Variants in RPH3AL observed in about 807,000 individuals in gnomAD.
The protein encoded by RPH3AL is rab effector Noc2.
A neutral mutation model predicts 43.1 loss-of-function variants in RPH3AL; 38 were observed. The ratio of observed to expected loss-of-function variants is 0.88; its 90% CI spans 0.68 to 1.15. RPH3AL has a LOEUF of 1.15. Among genes scored for constraint, RPH3AL ranks in the 50% most tolerant of loss-of-function variants. RPH3AL has a pLI of 0.00. For missense variants in RPH3AL, 462 were observed against 423.2 expected (o/e 1.09, Z -0.81); for synonymous variants, 189 against 176.3 (o/e 1.07, Z -0.57).
Position 304,913 on chromosome 17 carries a change from G to C in RPH3AL, c.351+14507C>G, listed in dbSNP as rs1598054468. On this transcript the variant is annotated intron_variant, in intron 5 of 9. Transcript: ENST00000331302. ...CGCCACGAGCTCCTAGGGCCAGAGT[G>C]CAAGAGAGGCACAGGGCGAGAGGGG... is the stretch of plus-strand genomic sequence containing the variant. Among the ~76,000 whole-genome samples, 3 of 134,660 alleles carry C rather than the reference G, an allele frequency of 2.2e-5. 1 individual carries two copies. Among genetic ancestry groups the C allele is most frequent in the Middle Eastern group, 7.0e-3 (2 of 284 alleles). The allele number at this position is 134,660 out of a possible 152,430, so 88.3% of individuals were successfully genotyped here. A position where few individuals can be genotyped will look rare whatever the true frequency, so the allele number is the denominator to read the frequency against.
intron 7 of RPH3AL, among the ~76,000 whole-genome samples, chr17:224,067 G>C (rs2041053869): frequency 6.6e-6 from 1 of 152,210 alleles, no homozygotes; most frequent in Admixed American, 6.5e-5. Context: ...TCACTCAAAT[G>C]GTTCTTAAAT....
At chr17:242,269 C>T (rs1180975771) in intron 7 of RPH3AL, among the ~76,000 whole-genome samples, 2 of 129,958 alleles carry the variant, frequency 1.5e-5, no homozygotes. Context: ...CTATTGATTA[C>T]CTTCCTCTAT....
In RPH3AL at chr17:328,382, C is replaced by T. The variant is rs533376917; in HGVS notation, c.-36-803G>A. 1.2e-4 allele frequency among the ~76,000 whole-genome samples: 18 copies of T among 152,034 alleles called. No homozygotes were observed. The highest frequency in any genetic ancestry group is 2.2e-4 in the Non-Finnish European group (15 of 67,968). ...TGAATCCCAGAGCAAGGAGGAGGGG[C>T]TCTCCTGAGCCATCCACACTCTCCT... On this transcript the variant is annotated intron_variant, in intron 2 of 9. Transcript: ENST00000331302. This position sits in a 1 kb window ranked among gnomAD's most constrained non-coding sequence, Gnocchi z 4.2.
At chr17:241,176 C>T (rs1417797860) in intron 7 of RPH3AL, among the ~76,000 whole-genome samples, 3 of 151,716 alleles carry the variant, frequency 2.0e-5, no homozygotes, top group East Asian at 1.9e-4. Context: ...ACAGCTTGAG[C>T]TCAGGACTTT....
At chr17:238,432 C>T (rs2041453427) in intron 7 of RPH3AL, among the ~76,000 whole-genome samples, 1 of 152,088 alleles carries the variant, frequency 6.6e-6, no homozygotes, top group South Asian at 2.1e-4. Context: ...GAGAAGAAGC[C>T]GCATCCTGTT....
chr17:302,873 G>A (rs1375488643), intron 5 of RPH3AL, among the ~76,000 whole-genome samples: 1 of 152,256 alleles, frequency 6.6e-6, no homozygotes, highest in Non-Finnish European at 1.5e-5. Flanking sequence ...ACATTTGTGT[G>A]AGTGCGAAGA....
rs576077707 is a variant in RPH3AL, at chr17:219,708, C to T, written c.642G>A (p.Ser214=). 3.5e-5 allele frequency: 56 copies of T among 1,613,480 alleles called. No homozygotes were observed. The highest frequency in any genetic ancestry group is 2.5e-4 in the East Asian group (11 of 44,850). The change falls in exon 8 of 10, where the codon TCG becomes TCA. Residue 214 remains serine (S), a synonymous_variant. Coordinates refer to ENST00000331302, the MANE Select transcript of RPH3AL (RefSeq NM_006987.4). ...CCTCTAGGCTGGAGGAGCTAAGATC[C>T]GAGTCACTGTCACTGTCACTGGAAA... is the stretch of plus-strand genomic sequence containing the variant. The part of the protein sequence containing the change: ...RVVSSDSDSD[S]DLSSSSLEDR...
At chr17:279,700 A>G (rs1216069968) in intron 6 of RPH3AL, among the ~76,000 whole-genome samples, 1 of 152,160 alleles carries the variant, frequency 6.6e-6, no homozygotes, top group Non-Finnish European at 1.5e-5. Context: ...AGCTGTGACC[A>G]TCTTTTCATC....
chr17:283,071 G>C lies in RPH3AL; in HGVS notation c.352-1217C>G, dbSNP rs1054169933. On this transcript the variant is annotated intron_variant, in intron 5 of 9. Coordinates refer to ENST00000331302, the MANE Select transcript of RPH3AL (RefSeq NM_006987.4). This position sits in a 1 kb window ranked among gnomAD's most constrained non-coding sequence, Gnocchi z 4.2. ...TAACCCAGGCAGAGTCTGATTCAGCGATCGCTGGCGACTCCTCAGGACTGT... is the reference window on the plus strand; with the variant it reads ...TAACCCAGGCAGAGTCTGATTCAGCCATCGCTGGCGACTCCTCAGGACTGT... Among the ~76,000 whole-genome samples, 1 of 152,204 alleles carries C rather than the reference G, an allele frequency of 6.6e-6. No homozygotes were observed. The highest frequency in any genetic ancestry group is 2.4e-5 in the African/African-American group (1 of 41,444).
In RPH3AL at chr17:290,778, A is replaced by G. The variant is rs929793192; in HGVS notation, c.352-8924T>C. Among the ~76,000 whole-genome samples, 3 of 152,144 alleles carry G rather than the reference A, an allele frequency of 2.0e-5. No homozygotes were observed. Among genetic ancestry groups the G allele is most frequent in the African/African-American group, 7.2e-5 (3 of 41,432 alleles). ...TGCCAATGTAGGGGGAGGGAAGGAA[A>G]CTGCTCTGAAAGCAGACGCCGCCAT... On this transcript the variant is annotated intron_variant, in intron 5 of 9. Coordinates refer to ENST00000331302, the MANE Select transcript of RPH3AL (RefSeq NM_006987.4). The surrounding 1 kb of genome is among the most constrained non-coding windows in gnomAD (Gnocchi z 4.2).
intron 6 of RPH3AL, among the ~76,000 whole-genome samples, chr17:259,989 G>A: frequency 6.6e-6 from 1 of 152,186 alleles, no homozygotes; most frequent in Non-Finnish European, 1.5e-5. Flanking sequence ...CACTGGAGGG[G>A]GTGGGACAGG....
At chr17:301,434 G>A (rs2043324966) in intron 5 of RPH3AL, among the ~76,000 whole-genome samples, 1 of 152,098 alleles carries the variant, frequency 6.6e-6, no homozygotes, top group African/African-American at 2.4e-5. Flanking sequence ...CTCCCCAGTA[G>A]TTGAGATTAT....
intron 2 of RPH3AL, chr17:332,291 C>A (rs201079490): frequency 6.1e-6 from 1 of 164,894 alleles, no homozygotes; most frequent in South Asian, 7.5e-5. Flanking sequence ...TGTGTGTGTG[C>A]GCGTGTGTGT....
At chr17:227,107 G>C (rs1051762866) in intron 7 of RPH3AL, among the ~76,000 whole-genome samples, 3 of 152,126 alleles carry the variant, frequency 2.0e-5, no homozygotes, top group Admixed American at 2.0e-4. Flanking sequence ...CTCCACAGGG[G>C]CCTGAGCCAC....
Position 333,385 on chromosome 17 carries a change from C to T in RPH3AL, c.-37+374G>A. 2 of 965,752 alleles carry T rather than the reference C, an allele frequency of 2.1e-6. No homozygotes were observed. The highest frequency in any genetic ancestry group is 2.8e-6 in the Non-Finnish European group (2 of 712,128). The allele number at this position is 965,752 out of a possible 1,614,324, so 59.8% of individuals were successfully genotyped here. On this transcript the variant is annotated intron_variant, in intron 2 of 9. Transcript: ENST00000331302. The surrounding 1 kb of genome is among the most constrained non-coding windows in gnomAD (Gnocchi z 4.5). ...CGACTCTTAACACCTTAATGTAGCA[C>T]CTTCCAACTTTTCCTGGGCATTTAT...
intron 6 of RPH3AL, among the ~76,000 whole-genome samples, chr17:262,844 G>T (rs28404325): frequency 0.13 from 19,826 of 152,102 alleles, 1,341 homozygotes; most frequent in East Asian, 0.19. Context: ...AAGCCTGCAG[G>T]GTTATTCAGT....
Position 247,179 on chromosome 17 carries a change from G to A in RPH3AL, c.545C>T (p.Thr182Met), listed in dbSNP as rs149922666. 3.0e-4 allele frequency: 485 copies of A among 1,613,988 alleles called. No homozygotes were observed. Among genetic ancestry groups the A allele is most frequent in the Non-Finnish European group, 3.7e-4 (440 of 1,180,000 alleles). Reference protein sequence around the residue: ...ADDPHFRPLPTEPAEREPRSS... With the variant: ...ADDPHFRPLPMEPAEREPRSS... ...TCTGGGCTCTCGCTCTGCCGGTTCCGTGGGCAAAGGTCGGAAGTGGGGGTC... is the reference window on the plus strand; with the variant it reads ...TCTGGGCTCTCGCTCTGCCGGTTCCATGGGCAAAGGTCGGAAGTGGGGGTC... The change falls in exon 7 of 10, where the codon ACG (threonine) becomes ATG (methionine). Residue 182 changes from threonine to methionine, a missense_variant. By Grantham distance (81) the Thr-to-Met change is moderately conservative. Coordinates refer to ENST00000331302, the MANE Select transcript of RPH3AL (RefSeq NM_006987.4).
chr17:293,397 C>A (rs550964173), intron 5 of RPH3AL, among the ~76,000 whole-genome samples: 15 of 151,108 alleles, frequency 9.9e-5, no homozygotes, highest in Non-Finnish European at 1.8e-4. Context: ...TTTCTGCACT[C>A]GTGCCTCTGC....
chr17:338,259 C>T (rs906763260), intron 1 of RPH3AL, among the ~76,000 whole-genome samples: 6 of 152,018 alleles, frequency 3.9e-5, no homozygotes, highest in East Asian at 1.9e-4. Flanking sequence ...CTCAGGAGTT[C>T]GAGACCAGCC....
Sources: gnomAD v4.1 joint callset for allele counts (sites outside exome capture counted in the v4.1 genomes callset) on GRCh38, gnomAD v4.1.1 for gene constraint, Gnocchi (gnomAD v3.1) non-coding constraint, MANE v1.5 for transcripts, NCBI Gene and HGNC (gene_info 2026-07-23, HGNC 2026-07-21) for gene names.